Variants in ATG7 observed in about 807,000 individuals in gnomAD.
ATG7 encodes autophagy related 7, also known as ubiquitin-like modifier-activating enzyme ATG7.
In ATG7, 70 loss-of-function variants were observed where a neutral mutation model predicts 82.4. That is an observed-to-expected ratio of 0.85 (90% CI 0.70 to 1.04). ATG7 has a LOEUF of 1.04. Among genes scored for constraint, ATG7 ranks in the 50% least tolerant of loss-of-function variants. The pLI, the probability that ATG7 is intolerant of heterozygous loss-of-function variation, is 0.00. For missense variants in ATG7, 792 were observed against 864.3 expected, an observed-to-expected ratio of 0.92 and a Z score of 1.05; for synonymous variants, 287 against 313.0, an observed-to-expected ratio of 0.92 and a Z score of 0.88.
At chr3:11,423,979 ACT>A (rs1400459698) in intron 19 of ATG7, among the ~76,000 whole-genome samples, 2 of 151,584 alleles carry the variant, frequency 1.3e-5, no homozygotes, top group East Asian at 1.9e-4. Context: ...CTCTTCTCCG[ACT>A]CTCTGCACAG....
At chr3:11,371,751 C>T (rs767373955) in intron 18 of ATG7, among the ~76,000 whole-genome samples, 4 of 151,136 alleles carry the variant, frequency 2.6e-5, no homozygotes, top group Non-Finnish European at 4.4e-5. Flanking sequence ...GTACTTAAGT[C>T]CTTAAGGTAG....
chr3:11,408,943 C>T (rs1393660590), intron 19 of ATG7, among the ~76,000 whole-genome samples: 1 of 152,142 alleles, frequency 6.6e-6, no homozygotes, highest in Non-Finnish European at 1.5e-5. Context: ...ACTTGTATAT[C>T]TTCTTTGGTG....
intron 8 of ATG7, among the ~76,000 whole-genome samples, chr3:11,314,566 T>G (rs953787112): frequency 6.6e-6 from 1 of 152,126 alleles, no homozygotes; most frequent in African/African-American, 2.4e-5. Flanking sequence ...CTGTAATTAT[T>G]GCTGTGGTGC....
intron 20 of ATG7, among the ~76,000 whole-genome samples, chr3:11,508,216 C>T (rs1030544736): frequency 6.6e-6 from 1 of 151,902 alleles, no homozygotes; most frequent in Non-Finnish European, 1.5e-5. Context: ...GGTGCCAGTT[C>T]GTGAGGCACA....
chr3:11,559,384 C>A (rs886614682), downstream of ATG7: 1 of 1,556,468 alleles, frequency 6.4e-7, no homozygotes, highest in African/African-American at 1.4e-5. Flanking sequence ...AGCCGCTGTG[C>A]GCGATGGGGC....
chr3:11,388,640 G>C (rs1247853759), intron 19 of ATG7, among the ~76,000 whole-genome samples: 3 of 152,020 alleles, frequency 2.0e-5, no homozygotes, highest in Admixed American at 2.0e-4. Flanking sequence ...GTGTTAGCTA[G>C]GATGGTCTGG....
intron 14 of ATG7, among the ~76,000 whole-genome samples, chr3:11,357,033 TA>T (rs531477175): frequency 1.3e-5 from 2 of 152,030 alleles, no homozygotes; most frequent in African/African-American, 4.8e-5. Flanking sequence ...TTGAAGATAA[TA>T]AAAAAAATCC....
intron 20 of ATG7, among the ~76,000 whole-genome samples, chr3:11,521,873 G>A (rs943911436): frequency 8.5e-5 from 13 of 152,084 alleles, no homozygotes; most frequent in African/African-American, 3.1e-4. Flanking sequence ...AGTTTTGTGG[G>A]GAATTTTCCT....
intron 11 of ATG7, 146 bp from the exon 12 acceptor site, chr3:11,340,499 A>C (rs3816380): frequency 0.2 from 121,498 of 612,292 alleles, 14,158 homozygotes; most frequent in Admixed American, 0.37. Context: ...CAGGCCCTCA[A>C]GTCTCTTTTA....
chr3:11,486,422 A>T (rs183969252), intron 20 of ATG7, among the ~76,000 whole-genome samples: 1,728 of 152,300 alleles, frequency 0.011, 31 homozygotes, highest in African/African-American at 0.039. Flanking sequence ...GCTTATCAGC[A>T]TAAGGAGATT....
chr3:11,284,948 G>A (rs1297178640), intron 3 of ATG7, among the ~76,000 whole-genome samples: 3 of 150,632 alleles, frequency 2.0e-5, no homozygotes, highest in African/African-American at 7.3e-5. Context: ...CCGGGTTCAC[G>A]CCATTCTCCT....
At chr3:11,548,556 C>T (rs1410145799) in intron 20 of ATG7, among the ~76,000 whole-genome samples, 1 of 152,184 alleles carries the variant, frequency 6.6e-6, no homozygotes. Flanking sequence ...ATTAATTTCT[C>T]CTTTTATCGT....
intron 1 of ATG7, among the ~76,000 whole-genome samples, chr3:11,278,845 G>A (rs1002008529): frequency 3.3e-5 from 5 of 152,190 alleles, no homozygotes; most frequent in African/African-American, 1.2e-4. Flanking sequence ...GCTCTTTGAG[G>A]ACTAGAATAC....
chr3:11,558,756 C>A, downstream of ATG7: 1 of 1,614,154 alleles, frequency 6.2e-7, no homozygotes, highest in Non-Finnish European at 8.5e-7. Context: ...GGTGCCGGCT[C>A]GGGCTCCTTG....
At chr3:11,275,357 CT>C (rs967107561) in intron 1 of ATG7, among the ~76,000 whole-genome samples, 2 of 121,250 alleles carry the variant, frequency 1.6e-5, no homozygotes, top group South Asian at 2.6e-4. Context: ...TTTTTTTTTT[CT>C]TTTTTTTTGA....
chr3:11,537,826 G>T (rs1282725714), intron 20 of ATG7, among the ~76,000 whole-genome samples: 1 of 152,138 alleles, frequency 6.6e-6, no homozygotes, highest in Non-Finnish European at 1.5e-5. Context: ...ATTTTCCTGC[G>T]GGGAAACTGA....
chr3:11,389,430 G>A (rs891743335), intron 19 of ATG7, among the ~76,000 whole-genome samples: 2 of 103,358 alleles, frequency 1.9e-5, no homozygotes, highest in East Asian at 7.0e-4. Flanking sequence ...TGAAAGTTTT[G>A]TTAGTGCTTT....
At chr3:11,559,496 A>G, downstream of ATG7, 2 of 1,508,644 alleles carry the variant, frequency 1.3e-6, no homozygotes, top group Non-Finnish European at 1.8e-6. Flanking sequence ...GACCAGCTTC[A>G]GTACCGGGCA....
intron 19 of ATG7, among the ~76,000 whole-genome samples, chr3:11,400,442 A>G (rs950167926): frequency 8.5e-5 from 13 of 152,190 alleles, no homozygotes; most frequent in African/African-American, 3.1e-4. Context: ...CTAGAGCTCA[A>G]GTTCTCTCCG....
Sources: allele counts gnomAD v4.1 joint callset (sites outside exome capture counted in the v4.1 genomes callset), GRCh38; gene constraint gnomAD v4.1.1; transcripts MANE v1.5; gene names NCBI Gene and HGNC (gene_info 2026-07-23, HGNC 2026-07-21).